The following CAMKMT variants were observed in gnomAD, a reference collection of about 807,000 sequenced individuals.
CAMKMT encodes calmodulin-lysine N-methyltransferase.
A neutral mutation model predicts 48.0 loss-of-function variants in CAMKMT; 53 were observed. The ratio of observed to expected loss-of-function variants is 1.10; its 90% CI spans 0.89 to 1.39. The LOEUF is 1.39. Ranked by LOEUF, CAMKMT falls within the 40% of genes most tolerant of loss-of-function variation. The pLI, the probability that CAMKMT is intolerant of heterozygous loss-of-function variation, is 0.00. For synonymous variants in CAMKMT, 165 were observed against 152.3 expected (o/e 1.08, Z -0.61); for missense variants, 428 against 402.7 (o/e 1.06, Z -0.54).
At chr2:44,731,131 A>G (rs1015314690) in intron 7 of CAMKMT, among the ~76,000 whole-genome samples, 1 of 152,252 alleles carries the variant, frequency 6.6e-6, no homozygotes, top group African/African-American at 2.4e-5. Flanking sequence ...ACTTGAGGCC[A>G]GAAGTTTGAG....
chr2:44,625,142 A>G (rs982449076), intron 3 of CAMKMT, among the ~76,000 whole-genome samples: 3 of 152,196 alleles, frequency 2.0e-5, no homozygotes, highest in Non-Finnish European at 4.4e-5. Context: ...GTTGCTTCAC[A>G]TCCTTACTAA....
intron 7 of CAMKMT, among the ~76,000 whole-genome samples, chr2:44,739,446 G>A (rs111428701): frequency 7.7e-4 from 117 of 152,268 alleles, no homozygotes; most frequent in Non-Finnish European, 1.4e-3. Flanking sequence ...TACCAATAAC[G>A]AGATTTAAAA....
At chr2:44,623,273 T>C (rs1285194614) in intron 3 of CAMKMT, among the ~76,000 whole-genome samples, 1 of 152,168 alleles carries the variant, frequency 6.6e-6, no homozygotes, top group Admixed American at 6.5e-5. Flanking sequence ...TTCCGTAGGC[T>C]GTCTGTTTAC....
intron 1 of CAMKMT, among the ~76,000 whole-genome samples, chr2:44,363,296 G>T (rs1678167472): frequency 6.6e-6 from 1 of 152,168 alleles, no homozygotes; most frequent in Non-Finnish European, 1.5e-5. Flanking sequence ...CTATAATAAA[G>T]TAAATATCTA....
rs146617022 is a variant in CAMKMT, at chr2:44,475,520, G to A, written c.376+85215G>A. On this transcript the variant is annotated intron_variant, in intron 3 of 10. Coordinates refer to ENST00000378494, the MANE Select transcript of CAMKMT (RefSeq NM_024766.5). ...TTTAGTAGAGATGGGGTTTCACCAT[G>A]TTGGCCAGGATGGTCTTGATCTCTT... 9.5e-4 allele frequency among the ~76,000 whole-genome samples: 145 copies of A among 152,168 alleles called. 1 individual carries two copies. Among genetic ancestry groups the A allele is most frequent in the African/African-American group, 3.3e-3 (138 of 41,510 alleles).
At chr2:44,626,542 G>A (rs150298855) in intron 3 of CAMKMT, among the ~76,000 whole-genome samples, 86 of 152,214 alleles carry the variant, frequency 5.6e-4, no homozygotes, top group African/African-American at 1.9e-3. Flanking sequence ...CTCAGTTTTG[G>A]AAGCTGGGAA....
intron 3 of CAMKMT, among the ~76,000 whole-genome samples, chr2:44,435,745 G>T (rs1238294854): frequency 3.9e-5 from 6 of 152,168 alleles, no homozygotes; most frequent in Non-Finnish European, 7.3e-5. Context: ...GTTAAGGAAA[G>T]TTCATGATGT....
intron 3 of CAMKMT, among the ~76,000 whole-genome samples, chr2:44,505,460 G>A (rs1396120941): frequency 6.6e-6 from 1 of 152,094 alleles, no homozygotes; most frequent in African/African-American, 2.4e-5. Context: ...AACTAGTTTT[G>A]TAGCTCTAGG....
chr2:44,771,929 C>G (rs1681130917), intron 10 of CAMKMT, 107 bp from the exon 11 acceptor site: 1 of 694,534 alleles, frequency 1.4e-6, no homozygotes, highest in African/African-American at 1.8e-5. Context: ...TTTTCCAGAA[C>G]TATATATTTT....
chr2:44,584,107 A>G (rs1198923401), intron 3 of CAMKMT, among the ~76,000 whole-genome samples: 1 of 152,192 alleles, frequency 6.6e-6, no homozygotes, highest in Non-Finnish European at 1.5e-5. Context: ...GATAAATGAA[A>G]TCACATAGTA....
chr2:44,494,411 C>A (rs954356591), intron 3 of CAMKMT, among the ~76,000 whole-genome samples: 13 of 151,908 alleles, frequency 8.6e-5, no homozygotes, highest in Non-Finnish European at 1.9e-4. Context: ...CACTTTTTTT[C>A]CCCCCTCTTC....
At chr2:44,649,687 G>C (rs987017449) in intron 3 of CAMKMT, among the ~76,000 whole-genome samples, 2 of 152,150 alleles carry the variant, frequency 1.3e-5, no homozygotes, top group African/African-American at 4.8e-5. Flanking sequence ...ACATTTGGCT[G>C]TAGTGATGGA....
chr2:44,737,963 C>A (rs1242805303), intron 7 of CAMKMT, among the ~76,000 whole-genome samples: 1 of 151,416 alleles, frequency 6.6e-6, no homozygotes, highest in Non-Finnish European at 1.5e-5. Flanking sequence ...TCAAGCGATT[C>A]TCCTGCTTCA....
At chr2:44,636,042 T>A (rs1001096482) in intron 3 of CAMKMT, among the ~76,000 whole-genome samples, 1 of 152,248 alleles carries the variant, frequency 6.6e-6, no homozygotes, top group Non-Finnish European at 1.5e-5. Flanking sequence ...AGAAGTTGAT[T>A]TGTATAAGGC....
At chr2:44,472,360 T>A (rs1668466109) in intron 3 of CAMKMT, among the ~76,000 whole-genome samples, 1 of 152,230 alleles carries the variant, frequency 6.6e-6, no homozygotes. Context: ...GATTATTTTT[T>A]ATTGTGAAGA....
At chr2:44,584,314 GA>G (rs1669729539) in intron 3 of CAMKMT, among the ~76,000 whole-genome samples, 1 of 152,166 alleles carries the variant, frequency 6.6e-6, no homozygotes, top group African/African-American at 2.4e-5. Flanking sequence ...TAAGATGAAA[GA>G]AGTGGTACAT....
At chr2:44,462,242 A>G (rs1281091608) in intron 3 of CAMKMT, among the ~76,000 whole-genome samples, 1 of 152,208 alleles carries the variant, frequency 6.6e-6, no homozygotes, top group Admixed American at 6.5e-5. Context: ...TAAAAATAAA[A>G]CATATTCTCA....
chr2:44,464,702 T>G (rs980503323), intron 3 of CAMKMT, among the ~76,000 whole-genome samples: 1 of 152,142 alleles, frequency 6.6e-6, no homozygotes, highest in Non-Finnish European at 1.5e-5. Flanking sequence ...GAAAAAAAAC[T>G]GCCAATAATA....
At chr2:44,754,165 A>T in intron 9 of CAMKMT, 47 bp downstream of exon 9, 1 of 1,403,318 alleles carries the variant, frequency 7.1e-7, no homozygotes, top group African/African-American at 1.4e-5. Context: ...CAGAATAATT[A>T]GTCTGTGCAC....
Sources: allele counts gnomAD v4.1 joint callset (sites outside exome capture counted in the v4.1 genomes callset), GRCh38; gene constraint gnomAD v4.1.1; transcripts MANE v1.5; gene names NCBI Gene and HGNC (gene_info 2026-07-23, HGNC 2026-07-21).